Variants in CFAP65 observed in about 807,000 individuals in gnomAD.
CFAP65 encodes cilia- and flagella-associated protein 65.
In CFAP65, 155 loss-of-function variants were observed where a neutral mutation model predicts 208.0. That is an observed-to-expected ratio of 0.75 (90% CI 0.65 to 0.85). The LOEUF (loss-of-function observed/expected upper bound fraction) is 0.85. Ranked by LOEUF, CFAP65 falls within the 40% of genes least tolerant of loss-of-function variation. The pLI, the probability that CFAP65 is intolerant of heterozygous loss-of-function variation, is 0.00. For synonymous variants in CFAP65, 970 were observed against 986.3 expected, an observed-to-expected ratio of 0.98 and a Z score of 0.31; for missense variants, 2,294 against 2,451.3, an observed-to-expected ratio of 0.94 and a Z score of 1.36.
Position 219,031,785 on chromosome 2 carries a change from G to T in CFAP65, c.646-127C>A. On this transcript the variant is annotated intron_variant, in intron 6 of 34. Coordinates refer to ENST00000341552, the MANE Select transcript of CFAP65 (RefSeq NM_194302.4). The surrounding 1 kb of genome is among the most constrained non-coding windows in gnomAD (Gnocchi z 5.2). ...GGGCCAGGCCGTGGCACCCACGTCA[G>T]ACTCTGAGGGGAGCTGGGCACCTAT... The T allele has an allele frequency of 9.3e-7, 1 of 1,070,638 alleles. No individual in the cohort carries two copies. The highest frequency in any genetic ancestry group is 1.3e-6 in the Non-Finnish European group (1 of 745,208). The allele number at this position is 1,070,638 out of a possible 1,614,324, so 66.3% of individuals were successfully genotyped here.
chr2:219,032,124 T>C lies in CFAP65; in HGVS notation c.645+346A>G, dbSNP rs1948091912. ...TTAGTAGAGGTGGGGTTTCGCCATGTCGGCCAGGCTGGTCTCGAACTCCTG... is the reference window on the plus strand; with the variant it reads ...TTAGTAGAGGTGGGGTTTCGCCATGCCGGCCAGGCTGGTCTCGAACTCCTG... On this transcript the variant is annotated intron_variant, in intron 6 of 34. Coordinates refer to ENST00000341552, the MANE Select transcript of CFAP65 (RefSeq NM_194302.4). The surrounding 1 kb of genome is among the most constrained non-coding windows in gnomAD (Gnocchi z 5.5). 6.6e-6 allele frequency among the ~76,000 whole-genome samples: 1 copy of C among 152,134 alleles called. No homozygotes were observed.
rs751598199 is a variant in CFAP65, at chr2:219,031,523, T to C, written c.781A>G (p.Thr261Ala). The C allele has an allele frequency of 1.2e-6, 2 of 1,614,062 alleles. No individual in the cohort carries two copies. The highest frequency in any genetic ancestry group is 1.7e-5 in the Admixed American group (1 of 60,010). Residue 261 changes from threonine (T) to alanine (A), a missense_variant, in exon 7 of 35, where the codon ACG becomes GCG. By Grantham distance (58) the Thr-to-Ala change is moderately conservative. Transcript: ENST00000341552. This position sits in a 1 kb window ranked among gnomAD's most constrained non-coding sequence, Gnocchi z 5.2. ...LQLPMCAVGD[T>A]TEAFFCLDNV... ...TCCAGGCAGAAAAAGGCCTCAGTCGTATCTCCCACAGCACACATGGGCAGC... is the reference window on the plus strand; with the variant it reads ...TCCAGGCAGAAAAAGGCCTCAGTCGCATCTCCCACAGCACACATGGGCAGC...
chr2:219,038,696 A>C, intron 3 of CFAP65, 118 bp from the exon 4 acceptor site: 1 of 1,153,572 alleles, frequency 8.7e-7, no homozygotes, highest in Non-Finnish European at 1.3e-6. Context: ...CAGCTCTGGC[A>C]ACAGGTGCTA....
At chr2:219,030,962 G>A (rs991365984) in intron 8 of CFAP65, 128 bp from the exon 9 acceptor site, 1 of 1,439,500 alleles carries the variant, frequency 6.9e-7, no homozygotes, top group South Asian at 1.4e-5. Flanking sequence ...AAGACAAAAG[G>A]CAAAGCCTTC....
chr2:219,029,471 G>T lies in CFAP65; in HGVS notation c.1582C>A (p.His528Asn), dbSNP rs1443629003. The change falls in exon 11 of 35, where the codon CAC becomes AAC. Residue 528 changes from histidine to asparagine, a missense_variant. Around this residue, in one of 2 missense-constraint regions of CFAP65, gnomAD observed 867 missense variants for 1,012.6 expected, o/e 0.86. Coordinates refer to ENST00000341552, the MANE Select transcript of CFAP65 (RefSeq NM_194302.4). ...GGGTGAGTGGGCTGGAAGGCACAGT[G>T]CAGGGTCATACGGGCCTTGCCCACC... ...TLVGKARMTL[H>N]CAFQPTHPII... 13 of 1,614,004 alleles carry T rather than the reference G, an allele frequency of 8.1e-6. No homozygotes were observed. The East Asian group carries it at 2.7e-4, about 33-fold the overall frequency.
rs1414968105 is a variant in CFAP65, at chr2:219,029,476, G to T, written c.1577C>A (p.Thr526Asn). The change falls in exon 11 of 35, where the codon ACC (threonine) becomes AAC (asparagine). Residue 526 changes from threonine (T) to asparagine (N), a missense_variant. This residue lies in a region of CFAP65 where 867 missense variants were observed against 1,012.6 expected (regional missense o/e 0.86). Coordinates refer to ENST00000341552, the MANE Select transcript of CFAP65 (RefSeq NM_194302.4). ...AGTGGGCTGGAAGGCACAGTGCAGGGTCATACGGGCCTTGCCCACCAGCGT... is the reference window on the plus strand; with the variant it reads ...AGTGGGCTGGAAGGCACAGTGCAGGTTCATACGGGCCTTGCCCACCAGCGT... ...FGTLVGKARM[T>N]LHCAFQPTHP... is the part of the protein sequence containing the mutation. 6.2e-6 allele frequency: 10 copies of T among 1,613,998 alleles called. No individual in the cohort carries two copies. Among genetic ancestry groups the T allele is most frequent in the Non-Finnish European group, 7.6e-6 (9 of 1,180,014 alleles).
Position 219,023,387 on chromosome 2 carries a change from C to T in CFAP65, c.2640G>A (p.Leu880=), listed in dbSNP as rs760551350. The T allele has an allele frequency of 6.3e-7, 1 of 1,596,874 alleles. No individual in the cohort carries two copies. The highest frequency in any genetic ancestry group is 8.5e-7 in the Non-Finnish European group (1 of 1,172,392). Residue 880 remains leucine, a synonymous_variant, in exon 16 of 35, where the codon CTG becomes CTA. Transcript: ENST00000341552. ...YSREEPLQLK[L]DTHKSLYFKP... is the part of the protein sequence containing the mutation. ...TGAAGTAGAGGCTTTTGTGGGTGTCCAGCTTCAGCTGCAGTGGCTCCTCCC... is the reference window on the plus strand; with the variant it reads ...TGAAGTAGAGGCTTTTGTGGGTGTCTAGCTTCAGCTGCAGTGGCTCCTCCC...
intron 19 of CFAP65, 86 bp downstream of exon 19, chr2:219,021,066 G>A (rs1947233381): frequency 9.9e-6 from 14 of 1,409,672 alleles, no homozygotes; most frequent in Admixed American, 5.1e-5. Flanking sequence ...TCTGCCTGAC[G>A]CTCGGCATCC....
Position 219,003,099 on chromosome 2 carries a change from C to T in CFAP65, c.5693+36G>A. On this transcript the variant is annotated intron_variant, in intron 34 of 34. Coordinates refer to ENST00000341552, the MANE Select transcript of CFAP65 (RefSeq NM_194302.4). The surrounding 1 kb of genome is among the most constrained non-coding windows in gnomAD (Gnocchi z 4.4). ...CTGGCTGCCCCCGTGGCCCCTCTCG[C>T]GCGGTCTGCGCGGCCGCTGGTCCCG... The T allele has an allele frequency of 1.9e-6, 3 of 1,543,796 alleles. No individual in the cohort carries two copies. The highest frequency in any genetic ancestry group is 1.8e-6 in the Non-Finnish European group (2 of 1,142,086).
chr2:219,032,364 G>T lies in CFAP65; in HGVS notation c.645+106C>A. On this transcript the variant is annotated intron_variant, in intron 6 of 34. Coordinates refer to ENST00000341552, the MANE Select transcript of CFAP65 (RefSeq NM_194302.4). The surrounding 1 kb of genome is among the most constrained non-coding windows in gnomAD (Gnocchi z 5.5). Reference sequence around the variant, plus strand: ...AGCTGGATTGCTGCTGGAGCGGGCAGCATGTGTGTGTGCCGGGGCGCTCCT... The same window carrying T: ...AGCTGGATTGCTGCTGGAGCGGGCATCATGTGTGTGTGCCGGGGCGCTCCT... 1 of 923,602 alleles carries T rather than the reference G, an allele frequency of 1.1e-6. No homozygotes were observed. The highest frequency in any genetic ancestry group is 1.6e-6 in the Non-Finnish European group (1 of 610,238). The allele number at this position is 923,602 out of a possible 1,614,324, so 57.2% of individuals were successfully genotyped here. A position where few individuals can be genotyped will look rare whatever the true frequency, so the allele number is the denominator to read the frequency against.
intron 14 of CFAP65, 110 bp from the exon 15 acceptor site, chr2:219,024,370 G>T: frequency 7.3e-7 from 1 of 1,362,556 alleles, no homozygotes; most frequent in South Asian, 1.4e-5. Context: ...TAGATCAGAG[G>T]TGCTGCCCTG....
rs1258805240 is a variant in CFAP65 at position 219,021,839 on chromosome 2, A to G, written c.3071T>C (p.Leu1024Pro). Residue 1024 changes from leucine to proline, a missense_variant, in exon 18 of 35, where the codon CTC becomes CCC. By Grantham distance (98) the Leu-to-Pro change is moderately conservative. Transcript: ENST00000341552. ...LVLLNDGNCT[L>P]YYRLYLEQGS... ...CTGCTCCAGGTAGAGGCGGTAATAG[A>G]GGGTGCAGTTGCCGTCATTCAGGAG... 2 of 1,613,672 alleles carry G rather than the reference A, an allele frequency of 1.2e-6. No homozygotes were observed. The highest frequency in any genetic ancestry group is 1.7e-6 in the Non-Finnish European group (2 of 1,180,022).
intron 21 of CFAP65, among the ~76,000 whole-genome samples, chr2:219,016,483 C>T (rs1946895491): frequency 1.3e-5 from 2 of 151,914 alleles, no homozygotes; most frequent in South Asian, 4.2e-4. Context: ...TTAGTAGAGA[C>T]AGAGTTTCAC....
rs139577992 is a variant in CFAP65, at chr2:219,009,959, G to T, written c.4435C>A (p.Pro1479Thr). The change falls in exon 27 of 35, where the codon CCT becomes ACT. Residue 1479 changes from proline to threonine, a missense_variant. This residue lies in a region of CFAP65 where 1,427 missense variants were observed against 1,438.7 expected (regional missense o/e 0.99). Transcript: ENST00000341552. ...ACTCTCACCTCCCCAAAATCTAGAG[G>T]ACTTGGCTGCCAGGAGAAGGCAATT... is the stretch of plus-strand genomic sequence containing the variant. ...EEIAFSWQPS[P>T]LDFGEVSVSP... 6.2e-7 allele frequency: 1 copy of T among 1,611,586 alleles called. No individual in the cohort carries two copies. The highest frequency in any genetic ancestry group is 1.1e-5 in the South Asian group (1 of 90,666).
At chr2:219,016,289 CTT>C (rs5838714) in intron 21 of CFAP65, among the ~76,000 whole-genome samples, 22 of 85,560 alleles carry the variant, frequency 2.6e-4, no homozygotes, top group African/African-American at 1.0e-3. Flanking sequence ...AGTCTCCCTC[CTT>C]TTTTTTTTTT....
chr2:219,006,655 G>A (rs767237559), intron 29 of CFAP65, 146 bp from the exon 30 acceptor site: 4 of 729,996 alleles, frequency 5.5e-6, no homozygotes, highest in South Asian at 3.1e-5. Context: ...CCAACATGGC[G>A]AAAGCCCGTC....
intron 16 of CFAP65, among the ~76,000 whole-genome samples, chr2:219,022,932 C>A (rs1252626389): frequency 6.6e-6 from 1 of 152,238 alleles, no homozygotes; most frequent in Non-Finnish European, 1.5e-5. Context: ...AGGTGACATG[C>A]CTCTCAGGCC....
At position 219,029,484 on chromosome 2, in the gene CFAP65, G is replaced by A. The variant is rs1684272207; in HGVS notation, c.1569C>T (p.Ala523=). ...GGAAGGCACAGTGCAGGGTCATACG[G>A]GCCTTGCCCACCAGCGTCCCAAAGG... The part of the protein sequence containing the change: ...RPAFGTLVGK[A]RMTLHCAFQP... Residue 523 remains alanine (A), a synonymous_variant, in exon 11 of 35, where the codon GCC becomes GCT. Transcript: ENST00000341552. 6.2e-7 allele frequency: 1 copy of A among 1,613,988 alleles called. No homozygotes were observed. Among genetic ancestry groups the A allele is most frequent in the African/African-American group, 1.3e-5 (1 of 74,906 alleles).
intron 10 of CFAP65, 74 bp downstream of exon 10, chr2:219,029,912 A>C (rs964036313): frequency 2.9e-5 from 41 of 1,431,070 alleles, no homozygotes; most frequent in Admixed American, 3.8e-5. Context: ...TCCTAGGAGC[A>C]GGGAAGGAGC....
Sources: allele counts gnomAD v4.1 joint callset (sites outside exome capture counted in the v4.1 genomes callset), GRCh38; gene constraint gnomAD v4.1.1; regional missense constraint gnomAD v4.1.1; non-coding constraint Gnocchi (gnomAD v3.1); transcripts MANE v1.5; gene names NCBI Gene and HGNC (gene_info 2026-07-23, HGNC 2026-07-21).